ADGRG7: variants seen among roughly 807,000 people sequenced by gnomAD.
ADGRG7 encodes the protein G-protein coupled receptor 128.
Under a neutral mutation model 88.6 loss-of-function variants are expected in ADGRG7, and 82 were observed. The observed-to-expected ratio is 0.93, with a 90% CI of 0.77 to 1.11. The LOEUF is 1.11. Ranked by LOEUF, ADGRG7 falls within the 50% of genes most tolerant of loss-of-function variation. ADGRG7 has a pLI of 0.00. For missense variants in ADGRG7, 945 were observed against 953.4 expected, an observed-to-expected ratio of 0.99 and a Z score of 0.12; for synonymous variants, 381 against 345.2, an observed-to-expected ratio of 1.10 and a Z score of -1.15.
intron 15 of ADGRG7, among the ~76,000 whole-genome samples, chr3:100,671,470 A>G (rs2094958556): frequency 6.6e-6 from 1 of 152,186 alleles, no homozygotes; most frequent in African/African-American, 2.4e-5. Flanking sequence ...TCAGATGGAT[A>G]GATTACAAAA....
chr3:100,655,931 G>A lies in ADGRG7; in HGVS notation c.1759G>A (p.Gly587Arg). ...VPAIVVAITV[G>R]VIYSQNGNNP... Reference sequence around the variant, plus strand: ...AGCTATAGTAGTGGCTATAACAGTGGGAGTTATTTATTCTCAGAATGGAAA... The same window carrying A: ...AGCTATAGTAGTGGCTATAACAGTGAGAGTTATTTATTCTCAGAATGGAAA... Residue 587 changes from glycine (G) to arginine (R), a missense_variant, in exon 13 of 16, where the codon GGA (glycine) becomes AGA (arginine). By Grantham distance (125) the Gly-to-Arg change is moderately radical (BLOSUM62 -2). Coordinates refer to ENST00000273352, the MANE Select transcript of ADGRG7 (RefSeq NM_032787.3). 1.9e-6 allele frequency: 3 copies of A among 1,606,730 alleles called. No homozygotes were observed. Among genetic ancestry groups the A allele is most frequent in the Admixed American group, 3.3e-5 (2 of 60,004 alleles).
At chr3:100,650,610 A>AT (rs2094927704) in intron 11 of ADGRG7, among the ~76,000 whole-genome samples, 1 of 152,136 alleles carries the variant, frequency 6.6e-6, no homozygotes, top group South Asian at 2.1e-4. Context: ...CAATCATGGA[A>AT]TTTTTTTTAG....
chr3:100,649,752 T>A lies in ADGRG7; in HGVS notation c.1324T>A (p.Cys442Ser), dbSNP rs368400475. 35 of 1,612,028 alleles carry A rather than the reference T, an allele frequency of 2.2e-5. No individual in the cohort carries two copies. Among genetic ancestry groups the A allele is most frequent in the Non-Finnish European group, 5.9e-6 (7 of 1,178,502 alleles). Residue 442 changes from cysteine (C) to serine (S), a missense_variant, in exon 11 of 16, where the codon TGT becomes AGT. By Grantham distance (112) the Cys-to-Ser change is moderately radical (BLOSUM62 -1). Transcript: ENST00000273352. ...KSLDILSNVG[C>S]ALSVTGLALT... ...ACTTGACATATTATCCAACGTTGGA[T>A]GTGCACTGTCTGTTACTGGTCTGGC...
rs184868606 is a variant in ADGRG7, at chr3:100,615,252, A to G, written c.115+5281A>G. On this transcript the variant is annotated intron_variant, in intron 1 of 15. Coordinates refer to ENST00000273352, the MANE Select transcript of ADGRG7 (RefSeq NM_032787.3). The stretch of plus-strand genomic sequence containing the variant: ...ACTAATGTCACTTTTTTTCAAGATC[A>G]TAATTCTAAAACTGGTTATATGATA... Among the ~76,000 whole-genome samples the G allele has an allele frequency of 1.2e-4, 19 of 152,356 alleles. No individual in the cohort carries two copies. The East Asian group carries it at 1.5e-3, about 12-fold the overall frequency.
At position 100,651,441 on chromosome 3, in the gene ADGRG7, A is replaced by G. The variant is rs184358937; in HGVS notation, c.1379+1634A>G. ...TTGCTGCATAACTAGTTTCTTTGCC[A>G]AAACCTCACTCTTTTCATTTGTCAT... is the stretch of plus-strand genomic sequence containing the variant. On this transcript the variant is annotated intron_variant, in intron 11 of 15. Transcript: ENST00000273352. Among the ~76,000 whole-genome samples the G allele has an allele frequency of 3.5e-3, 529 of 152,360 alleles. 5 individuals carry two copies. Among genetic ancestry groups the G allele is most frequent in the Non-Finnish European group, 5.1e-3 (350 of 68,034 alleles).
At position 100,690,547 on chromosome 3, in the gene ADGRG7, G is replaced by T. The variant is rs529454013; in HGVS notation, c.2137-4197G>T. Among the ~76,000 whole-genome samples, 7 of 152,158 alleles carry T rather than the reference G, an allele frequency of 4.6e-5. No homozygotes were observed. In the South Asian group the frequency reaches 6.2e-4, roughly 14 times the overall value. On this transcript the variant is annotated intron_variant, in intron 15 of 15. Transcript: ENST00000273352. ...ATGGTGACATACAGGTGGGTTTTTG[G>T]TGTGGATGTCCTTTCTGTTTGATAG... is the stretch of plus-strand genomic sequence containing the variant.
In ADGRG7 at chr3:100,655,069, A is replaced by G. The variant is rs2094935784; in HGVS notation, c.1614A>G (p.Leu538=). 6.2e-7 allele frequency: 1 copy of G among 1,614,104 alleles called. No homozygotes were observed. Among genetic ancestry groups the G allele is most frequent in the African/African-American group, 1.3e-5 (1 of 75,038 alleles). The change falls in exon 12 of 16, where the codon TTA becomes TTG. Residue 538 remains leucine, a synonymous_variant. Transcript: ENST00000273352. ...AIAALLHYFL[L]VTFTWNALSA... ...CCGCCTTACTGCACTATTTTCTGTT[A>G]GTGACATTTACCTGGAACGCACTCA... is the stretch of plus-strand genomic sequence containing the variant.
intron 1 of ADGRG7, among the ~76,000 whole-genome samples, chr3:100,619,280 A>T (rs557389360): frequency 9.2e-5 from 14 of 152,320 alleles, no homozygotes; most frequent in African/African-American, 2.9e-4. Context: ...ACTACATGGA[A>T]ACTGAACAAC....
At chr3:100,648,557 T>C (rs1707797421) in intron 10 of ADGRG7, among the ~76,000 whole-genome samples, 1 of 152,144 alleles carries the variant, frequency 6.6e-6, no homozygotes, top group South Asian at 2.1e-4. Flanking sequence ...AAAATGTTTA[T>C]GAAAAAGTAA....
chr3:100,630,583 G>A, intron 2 of ADGRG7, 122 bp from the exon 3 acceptor site: 2 of 407,832 alleles, frequency 4.9e-6, no homozygotes, highest in East Asian at 3.7e-5. Context: ...AGGCCAGTGG[G>A]TTCTATAAGC....
chr3:100,640,591 A>G (rs1024156876), intron 6 of ADGRG7, among the ~76,000 whole-genome samples: 1 of 151,920 alleles, frequency 6.6e-6, no homozygotes, highest in Non-Finnish European at 1.5e-5. Flanking sequence ...GCAAGATCTC[A>G]GCTCACCACA....
chr3:100,683,686 A>T (rs2094977211), intron 15 of ADGRG7, among the ~76,000 whole-genome samples: 1 of 152,338 alleles, frequency 6.6e-6, no homozygotes, highest in African/African-American at 2.4e-5. Context: ...GAGTAGGAGG[A>T]ATGAGCCCAG....
At chr3:100,634,522 A>C (rs996664285) in intron 4 of ADGRG7, among the ~76,000 whole-genome samples, 2 of 152,180 alleles carry the variant, frequency 1.3e-5, no homozygotes, top group African/African-American at 2.4e-5. Context: ...CCTAGTGATC[A>C]CAGCTAAAAA....
Position 100,629,756 on chromosome 3 carries a change from C to G in ADGRG7, c.229+45C>G, listed in dbSNP as rs548034299. The G allele has an allele frequency of 2.4e-6, 3 of 1,271,874 alleles. No individual in the cohort carries two copies. The South Asian group carries it at 3.6e-5, about 15-fold the overall frequency. 78.8% of individuals were successfully genotyped at this position (1,271,874 alleles called of 1,614,324 possible). ...GCTAAAGTGTAAGGTTTACGTCACT[C>G]TTGTGTTAATAAGAATAGCAATAAA... On this transcript the variant is annotated intron_variant, in intron 2 of 15. Coordinates refer to ENST00000273352, the MANE Select transcript of ADGRG7 (RefSeq NM_032787.3).
intron 15 of ADGRG7, among the ~76,000 whole-genome samples, chr3:100,688,264 T>C (rs193253123): frequency 0.011 from 1,687 of 152,326 alleles, 33 homozygotes; most frequent in African/African-American, 0.039. Context: ...GATTCTTCTC[T>C]CTTTTCTTCT....
intron 15 of ADGRG7, among the ~76,000 whole-genome samples, chr3:100,682,548 C>T (rs2094974931): frequency 6.6e-6 from 1 of 152,224 alleles, no homozygotes; most frequent in Admixed American, 6.5e-5. Context: ...CCTGACGTTT[C>T]CAATGGCCAG....
Position 100,669,106 on chromosome 3 carries a change from G to A in ADGRG7, c.2136+1G>A, listed in dbSNP as rs2094955195. Reference sequence around the variant, plus strand: ...ATTCTGCCTTTTCAACACTACACAGGTATGGTGCGGATTAGTCTGAAAGTA... The same window carrying A: ...ATTCTGCCTTTTCAACACTACACAGATATGGTGCGGATTAGTCTGAAAGTA... On this transcript the variant is annotated splice_donor_variant, in intron 15 of 15. Transcript: ENST00000273352. LOFTEE classifies it high-confidence loss of function. 3 of 1,569,626 alleles carry A rather than the reference G, an allele frequency of 1.9e-6. No homozygotes were observed. Among genetic ancestry groups the A allele is most frequent in the African/African-American group, 1.4e-5 (1 of 73,434 alleles).
At chr3:100,617,433 T>C (rs944667137) in intron 1 of ADGRG7, among the ~76,000 whole-genome samples, 10 of 146,146 alleles carry the variant, frequency 6.8e-5, no homozygotes, top group African/African-American at 2.0e-4. Context: ...TGGGTTCTCA[T>C]TGTTCAATTC....
chr3:100,628,196 T>C (rs1054824986), intron 1 of ADGRG7, among the ~76,000 whole-genome samples: 1 of 152,158 alleles, frequency 6.6e-6, no homozygotes, highest in Non-Finnish European at 1.5e-5. Flanking sequence ...GGAAATACTA[T>C]AGAGACTTCG....
Sources: gnomAD v4.1 joint callset for allele counts (sites outside exome capture counted in the v4.1 genomes callset) on GRCh38, gnomAD v4.1.1 for gene constraint, MANE v1.5 for transcripts, NCBI Gene and HGNC (gene_info 2026-07-23, HGNC 2026-07-21) for gene names.